The following SNTG2 variants were observed in gnomAD, a reference collection of about 807,000 sequenced individuals.
SNTG2 encodes gamma-2-syntrophin.
Under a neutral mutation model 70.9 loss-of-function variants are expected in SNTG2, and 74 were observed. The observed-to-expected ratio is 1.04, with a 90% confidence interval of 0.86 to 1.27. SNTG2 has a LOEUF of 1.27. Among genes scored for constraint, SNTG2 ranks in the 50% most tolerant of loss-of-function variants. SNTG2 has a pLI of 0.00. For synonymous variants in SNTG2, 278 were observed against 273.8 expected, an observed-to-expected ratio of 1.02 and a Z score of -0.15; for missense variants, 717 against 690.7, an observed-to-expected ratio of 1.04 and a Z score of -0.43.
At chr2:1,256,486 G>A (rs939561670) in intron 12 of SNTG2, 5 of 152,092 alleles carry the variant, frequency 3.3e-5, no homozygotes, top group African/African-American at 1.2e-4. Context: ...CTTGGACATG[G>A]TTTTATCTTA....
chr2:1,255,899 T>TATAA (rs1489930576), intron 12 of SNTG2, among the ~76,000 whole-genome samples: 1 of 96,852 alleles, frequency 1.0e-5, no homozygotes, highest in Admixed American at 1.2e-4. Context: ...TATATAAATA[T>TATAA]ATATATAAAT....
In SNTG2 at chr2:982,931, G is replaced by A. The variant is rs113567460; in HGVS notation, c.72+31863G>A. On this transcript the variant is annotated intron_variant, in intron 1 of 16. Transcript: ENST00000308624. ...TGCAACAAATGGTCAGGATGAAGCA[G>A]AGGCTCTCTTCCATAGAAGCTGCGG... 1.1e-3 allele frequency among the ~76,000 whole-genome samples: 168 copies of A among 152,348 alleles called. 2 individuals carry two copies. The highest frequency in any genetic ancestry group is 6.8e-3 in the Middle Eastern group (2 of 294).
Position 1,189,834 on chromosome 2 carries a change from A to G in SNTG2, c.591+16651A>G, listed in dbSNP as rs540968696. Reference sequence around the variant, plus strand: ...AGTGCTGGGATTACAGGCGTGAGCCACCGTGCCCGGCCGGGACTCTATCTT... The same window carrying G: ...AGTGCTGGGATTACAGGCGTGAGCCGCCGTGCCCGGCCGGGACTCTATCTT... On this transcript the variant is annotated intron_variant, in intron 8 of 16. Transcript: ENST00000308624. 2.0e-5 allele frequency among the ~76,000 whole-genome samples: 3 copies of G among 152,290 alleles called. No individual in the cohort carries two copies. In the South Asian group the frequency reaches 6.2e-4, roughly 32 times the overall value.
chr2:1,173,024 C>A, intron 7 of SNTG2, 68 bp from the exon 8 acceptor site: 1 of 1,412,312 alleles, frequency 7.1e-7, no homozygotes, highest in South Asian at 1.2e-5. Flanking sequence ...GAACTGAAGT[C>A]ACTGCATGGT....
At position 1,221,891 on chromosome 2, in the gene SNTG2, G is replaced by GTCTCTCTC. The variant is rs1675001686; in HGVS notation, c.719+12662_719+12663insCTCTCTCT. ...TCTCTCTCTCTCTCTGTCTCTGTCT[G>GTCTCTCTC]TGTCTCTCTCTGTCTCTGTCTCTGT... On this transcript the variant is annotated intron_variant, in intron 9 of 16. Coordinates refer to ENST00000308624, the MANE Select transcript of SNTG2 (RefSeq NM_018968.4). Among the ~76,000 whole-genome samples, 2 of 770 alleles carry GTCTCTCTC rather than the reference G, an allele frequency of 2.6e-3. 1 individual carries two copies. The highest frequency in any genetic ancestry group is 0.012 in the African/African-American group (2 of 164). The allele number at this position is 770 out of a possible 152,430, so 0.5% of individuals were successfully genotyped here. A position where few individuals can be genotyped will look rare whatever the true frequency, so the allele number is the denominator to read the frequency against.
At chr2:1,160,257 T>C (rs150049656) in intron 6 of SNTG2, 25 of 152,216 alleles carry the variant, frequency 1.6e-4, no homozygotes, top group Non-Finnish European at 2.9e-4. Context: ...GAGAAAACGT[T>C]CTTACAAAGG....
intron 1 of SNTG2, among the ~76,000 whole-genome samples, chr2:1,034,651 C>T (rs1173345801): frequency 6.6e-6 from 1 of 152,174 alleles, no homozygotes; most frequent in Non-Finnish European, 1.5e-5. Flanking sequence ...AGTAGCCATT[C>T]TGACTGGTGT....
At chr2:1,325,839 A>G (rs1192266792) in intron 16 of SNTG2, among the ~76,000 whole-genome samples, 1 of 147,336 alleles carries the variant, frequency 6.8e-6, no homozygotes, top group East Asian at 2.0e-4. Context: ...GGCATATCAG[A>G]TTTTTTTTTT....
chr2:1,190,446 C>T (rs1572687129), intron 8 of SNTG2, among the ~76,000 whole-genome samples: 1 of 135,256 alleles, frequency 7.4e-6, no homozygotes, highest in Non-Finnish European at 1.6e-5. Flanking sequence ...ATTTTCAATG[C>T]ATGGTTGATT....
chr2:1,148,068 C>T (rs1270297453), intron 6 of SNTG2, among the ~76,000 whole-genome samples: 6 of 152,110 alleles, frequency 3.9e-5, no homozygotes, highest in African/African-American at 9.7e-5. Flanking sequence ...TTTTCTGGCT[C>T]CTTGTTGGCT....
At position 1,173,139 on chromosome 2, in the gene SNTG2, C is replaced by G. The variant is rs767163167; in HGVS notation, c.547C>G (p.Leu183Val). The change falls in exon 8 of 17, where the codon CTC (leucine) becomes GTC (valine). Residue 183 changes from leucine to valine, a missense_variant. Transcript: ENST00000308624. ...SDHSSGASSPLFDSGLHLNGN... is the reference protein window; with the variant it reads ...SDHSSGASSPVFDSGLHLNGN... The stretch of plus-strand genomic sequence containing the variant: ...CCACAGCAGTGGGGCCTCCTCTCCC[C>G]TCTTTGACAGCGGTTTGCATCTGAA... 69 of 1,613,908 alleles carry G rather than the reference C, an allele frequency of 4.3e-5. No homozygotes were observed. The highest frequency in any genetic ancestry group is 5.3e-5 in the Non-Finnish European group (62 of 1,179,910).
intron 1 of SNTG2, among the ~76,000 whole-genome samples, chr2:1,038,809 A>C (rs1400001460): frequency 1.3e-5 from 2 of 152,194 alleles, no homozygotes; most frequent in African/African-American, 4.8e-5. Context: ...CCTAGTCTTA[A>C]TTTAATTTCA....
chr2:1,216,044 A>G (rs971186220), intron 9 of SNTG2, among the ~76,000 whole-genome samples: 1 of 152,152 alleles, frequency 6.6e-6, no homozygotes. Flanking sequence ...TAGCAGCATG[A>G]TTTATAGTCC....
At chr2:1,286,214 G>GGATC (rs1679759872) in intron 14 of SNTG2, among the ~76,000 whole-genome samples, 1 of 152,140 alleles carries the variant, frequency 6.6e-6, no homozygotes, top group Non-Finnish European at 1.5e-5. Flanking sequence ...TTTTGCTAGG[G>GGATC]GATCACTAGG....
At chr2:1,305,965 A>T (rs1438289876) in intron 14 of SNTG2, among the ~76,000 whole-genome samples, 1 of 152,254 alleles carries the variant, frequency 6.6e-6, no homozygotes, top group East Asian at 1.9e-4. Flanking sequence ...TAGTCTACAT[A>T]AAATGTAGCA....
chr2:1,053,549 T>C (rs1662200128), intron 1 of SNTG2, among the ~76,000 whole-genome samples: 1 of 142,508 alleles, frequency 7.0e-6, no homozygotes, highest in Admixed American at 7.4e-5. Flanking sequence ...GACGTAATTG[T>C]TTCCAGGAGT....
intron 16 of SNTG2, among the ~76,000 whole-genome samples, chr2:1,316,602 C>CTGAAATGCTTG (rs1212232200): frequency 2.5e-5 from 1 of 39,856 alleles, no homozygotes; most frequent in East Asian, 5.7e-4. Flanking sequence ...TTTGGGATTT[C>CTGAAATGCTTG]AGATTTTGGA....
At chr2:1,002,080 A>T (rs555551983) in intron 1 of SNTG2, among the ~76,000 whole-genome samples, 1 of 152,302 alleles carries the variant, frequency 6.6e-6, no homozygotes, top group East Asian at 1.9e-4. Flanking sequence ...ATTCAGCTGG[A>T]TCCATAGCTC....
chr2:1,024,755 G>GA (rs1279192825), intron 1 of SNTG2, among the ~76,000 whole-genome samples: 1 of 152,106 alleles, frequency 6.6e-6, no homozygotes, highest in Non-Finnish European at 1.5e-5. Flanking sequence ...AAGGCTCTTT[G>GA]AAAAATAAAG....
Sources: gnomAD v4.1 joint callset for allele counts (sites outside exome capture counted in the v4.1 genomes callset) on GRCh38, gnomAD v4.1.1 for gene constraint, MANE v1.5 for transcripts, NCBI Gene and HGNC (gene_info 2026-07-23, HGNC 2026-07-21) for gene names.